PIEZO2: variants seen among roughly 807,000 people sequenced by gnomAD.
PIEZO2 encodes the protein piezo type mechanosensitive ion channel component 2.
A neutral mutation model predicts 337.3 loss-of-function variants in PIEZO2; 172 were observed. That is an observed-to-expected ratio of 0.51 (90% CI 0.45 to 0.58). PIEZO2 has a LOEUF of 0.58. PIEZO2 is among the 20% of genes least tolerant of loss of function. The pLI is 0.00. For synonymous variants in PIEZO2, 1,251 were observed against 1,228.5 expected (o/e 1.02, Z -0.38); for missense variants, 3,028 against 3,391.3 (o/e 0.89, Z 2.66).
rs1051057243 is a variant in PIEZO2, at chr18:11,146,316, G to A, written c.64+2209C>T. Among the ~76,000 whole-genome samples the A allele has an allele frequency of 6.6e-6, 1 of 152,184 alleles. No individual in the cohort carries two copies. The highest frequency in any genetic ancestry group is 1.5e-5 in the Non-Finnish European group (1 of 68,026). Reference sequence around the variant, plus strand: ...GGATCAAAGTGGACTCAGGCAGCGGGAGCCCCCAGCCTGCCCTGGGGCACA... The same window carrying A: ...GGATCAAAGTGGACTCAGGCAGCGGAAGCCCCCAGCCTGCCCTGGGGCACA... On this transcript the variant is annotated intron_variant, in intron 1 of 55. Transcript: ENST00000674853. The surrounding 1 kb of genome is among the most constrained non-coding windows in gnomAD (Gnocchi z 6.1).
rs1598403353 is a variant in PIEZO2 at position 10,724,937 on chromosome 18, A to C, written c.5029+6470T>G. 1 of 1,601,812 alleles carries C rather than the reference A, an allele frequency of 6.2e-7. No individual in the cohort carries two copies. The highest frequency in any genetic ancestry group is 1.1e-5 in the South Asian group (1 of 90,172). On this transcript the variant is annotated intron_variant, in intron 36 of 55. Coordinates refer to ENST00000674853, the MANE Select transcript of PIEZO2 (RefSeq NM_001378183.1). This position sits in a 1 kb window ranked among gnomAD's most constrained non-coding sequence, Gnocchi z 5.8. ...CAGCCTCCACCTGGACGGCGATGGA[A>C]CCCAGGTGGGCGCACCCTGCGGCCT...
At chr18:10,772,011 T>TA (rs2038619706) in intron 20 of PIEZO2, among the ~76,000 whole-genome samples, 1 of 152,224 alleles carries the variant, frequency 6.6e-6, no homozygotes, top group African/African-American at 2.4e-5. Context: ...AGAGAAGCCA[T>TA]AAAATGCTTC....
intron 7 of PIEZO2, among the ~76,000 whole-genome samples, chr18:10,823,668 G>A (rs1483664682): frequency 6.6e-6 from 1 of 152,154 alleles, no homozygotes; most frequent in East Asian, 1.9e-4. Context: ...ACAAAGGGAG[G>A]GGAGGGATAA....
In PIEZO2 at chr18:10,853,381, G is replaced by C. The variant is rs1453555404; in HGVS notation, c.917+1972C>G. Among the ~76,000 whole-genome samples, 1 of 152,162 alleles carries C rather than the reference G, an allele frequency of 6.6e-6. No homozygotes were observed. Among genetic ancestry groups the C allele is most frequent in the Non-Finnish European group, 1.5e-5 (1 of 68,046 alleles). On this transcript the variant is annotated intron_variant, in intron 7 of 55. Coordinates refer to ENST00000674853, the MANE Select transcript of PIEZO2 (RefSeq NM_001378183.1). This position sits in a 1 kb window ranked among gnomAD's most constrained non-coding sequence, Gnocchi z 4.2. ...CACTTCCTTTCATTCCTGCTCTAAA[G>C]CTTTTTAATACATTGTCACTCATTC...
intron 7 of PIEZO2, among the ~76,000 whole-genome samples, chr18:10,807,905 G>A (rs1374028442): frequency 6.6e-6 from 1 of 152,076 alleles, no homozygotes; most frequent in South Asian, 2.1e-4. Flanking sequence ...ATTTTGAAAT[G>A]TTTAATTTTT....
chr18:10,696,528 A>G lies in PIEZO2; in HGVS notation c.6839T>C (p.Ile2280Thr). Residue 2280 changes from isoleucine (I) to threonine (T), a missense_variant, in exon 46 of 56, where the codon ATC (isoleucine) becomes ACC (threonine). Ile to Thr is a moderately conservative substitution (Grantham distance 89). Coordinates refer to ENST00000674853, the MANE Select transcript of PIEZO2 (RefSeq NM_001378183.1). Reference sequence around the variant, plus strand: ...AAAGAACTGTTTGATGGGCACATAGATCTCCAGCGTCCTGCAAAATGGAGA... The same window carrying G: ...AAAGAACTGTTTGATGGGCACATAGGTCTCCAGCGTCCTGCAAAATGGAGA... ...KAFTIKKTLE[I>T]YVPIKQFFYN... 1.2e-6 allele frequency: 2 copies of G among 1,613,404 alleles called. No homozygotes were observed. Among genetic ancestry groups the G allele is most frequent in the East Asian group, 2.2e-5 (1 of 44,872 alleles).
rs370712216 is a variant in PIEZO2 at position 10,677,768 on chromosome 18, G to T, written c.8060C>A (p.Thr2687Lys). 91 of 1,610,516 alleles carry T rather than the reference G, an allele frequency of 5.7e-5. No individual in the cohort carries two copies. Among genetic ancestry groups the T allele is most frequent in the Non-Finnish European group, 7.5e-5 (89 of 1,179,248 alleles). Residue 2687 changes from threonine (T) to lysine (K), a missense_variant, in exon 53 of 56, where the codon ACA becomes AAA. Coordinates refer to ENST00000674853, the MANE Select transcript of PIEZO2 (RefSeq NM_001378183.1). The surrounding 1 kb of genome is among the most constrained non-coding windows in gnomAD (Gnocchi z 4.1). The part of the protein sequence containing the change: ...NIAKMIAGNS[T>K]ESSKTPVTIE... ...TTACACTGGTGTTTTTGAACTTTCT[G>T]TGCTGTTGCCTGCTATCATTTTAGC... is the stretch of plus-strand genomic sequence containing the variant.
chr18:10,804,980 G>C (rs2144309033), intron 8 of PIEZO2, among the ~76,000 whole-genome samples: 1 of 152,264 alleles, frequency 6.6e-6, no homozygotes, highest in Admixed American at 6.5e-5. Flanking sequence ...TAACATTGCT[G>C]TTGCTGTGTG....
Position 10,718,180 on chromosome 18 carries a change from A to C in PIEZO2, c.5089+20T>G. 1.3e-6 allele frequency: 2 copies of C among 1,529,108 alleles called. No individual in the cohort carries two copies. Among genetic ancestry groups the C allele is most frequent in the Non-Finnish European group, 8.8e-7 (1 of 1,139,610 alleles). The allele number at this position is 1,529,108 out of a possible 1,614,324, so 94.7% of individuals were successfully genotyped here. A position where few individuals can be genotyped will look rare whatever the true frequency, so the allele number is the denominator to read the frequency against. On this transcript the variant is annotated intron_variant, in intron 37 of 55. Transcript: ENST00000674853. ...CATTTTCAAAGTTCCCACAGCTCAT[A>C]TTTGTCTTTATTTTGTTACCTGGTC...
chr18:10,960,156 A>G (rs961629937), intron 3 of PIEZO2, among the ~76,000 whole-genome samples: 1 of 152,192 alleles, frequency 6.6e-6, no homozygotes, highest in Non-Finnish European at 1.5e-5. Flanking sequence ...TTGAAGTTAT[A>G]AAATCCTAAA....
In PIEZO2 at chr18:10,794,970, G is replaced by A. The variant is rs1205816290; in HGVS notation, c.1560C>T (p.Thr520=). The change falls in exon 13 of 56, where the codon ACC becomes ACT. Residue 520 remains threonine, a synonymous_variant. Coordinates refer to ENST00000674853, the MANE Select transcript of PIEZO2 (RefSeq NM_001378183.1). The surrounding 1 kb of genome is among the most constrained non-coding windows in gnomAD (Gnocchi z 6.6). ...AWSITYHSWL[T]FVLLIWSCTL... is the part of the protein sequence containing the mutation. ...TGCACGACCAGATCAGCAGCACGAA[G>A]GTCAGCCAGCTGTGATAGGTGATGC... 1 of 1,548,054 alleles carries A rather than the reference G, an allele frequency of 6.5e-7. No homozygotes were observed. Among genetic ancestry groups the A allele is most frequent in the Non-Finnish European group, 8.7e-7 (1 of 1,146,994 alleles).
chr18:11,051,933 G>A (rs926281689), intron 2 of PIEZO2, among the ~76,000 whole-genome samples: 14 of 152,214 alleles, frequency 9.2e-5, no homozygotes, highest in African/African-American at 2.2e-4. Context: ...GTGAAGCCAC[G>A]AAAGAAAAGC....
rs112764914 is a variant in PIEZO2 at position 11,017,817 on chromosome 18, C to G, written c.161-38157G>C. On this transcript the variant is annotated intron_variant, in intron 2 of 55. Coordinates refer to ENST00000674853, the MANE Select transcript of PIEZO2 (RefSeq NM_001378183.1). The stretch of plus-strand genomic sequence containing the variant: ...TAGGCATTGTATTAGTTTCTTACGG[C>G]TGCTCTAACAATGTACTACAAACTG... 2.8e-3 allele frequency among the ~76,000 whole-genome samples: 430 copies of G among 152,248 alleles called. 3 individuals are homozygous for G. Among genetic ancestry groups the G allele is most frequent in the African/African-American group, 9.8e-3 (408 of 41,532 alleles).
Position 10,713,559 on chromosome 18 carries a change from C to A in PIEZO2, c.5423+1205G>T, listed in dbSNP as rs554647901. ...TCTAAAGCCATCCAGGAGTTTCTGA[C>A]CAGCAGTCAGAGACACCAGTCTCTA... On this transcript the variant is annotated intron_variant, in intron 39 of 55. Transcript: ENST00000674853. This position sits in a 1 kb window ranked among gnomAD's most constrained non-coding sequence, Gnocchi z 4.5. Among the ~76,000 whole-genome samples, 11 of 152,256 alleles carry A rather than the reference C, an allele frequency of 7.2e-5. No homozygotes were observed. Among genetic ancestry groups the A allele is most frequent in the Non-Finnish European group, 1.5e-4 (10 of 68,026 alleles).
At chr18:10,814,239 G>C (rs887019900) in intron 7 of PIEZO2, among the ~76,000 whole-genome samples, 33 of 152,102 alleles carry the variant, frequency 2.2e-4, no homozygotes, top group African/African-American at 6.8e-4. Flanking sequence ...AAAGTGCTAG[G>C]ATTACAGGCA....
intron 2 of PIEZO2, among the ~76,000 whole-genome samples, chr18:11,005,084 T>G (rs1271372179): frequency 6.6e-6 from 1 of 152,240 alleles, no homozygotes; most frequent in Admixed American, 6.5e-5. Flanking sequence ...CAACAAGAAG[T>G]CCTCAGACTT....
chr18:10,814,527 G>C (rs1376193849), intron 7 of PIEZO2, among the ~76,000 whole-genome samples: 2 of 152,176 alleles, frequency 1.3e-5, no homozygotes, highest in Non-Finnish European at 2.9e-5. Context: ...ATTTCAGGAA[G>C]TTTGAGAATT....
At chr18:11,139,640 TCCACA>T (rs1306562877) in intron 1 of PIEZO2, among the ~76,000 whole-genome samples, 1 of 152,190 alleles carries the variant, frequency 6.6e-6, no homozygotes, top group African/African-American at 2.4e-5. Context: ...ATTTTATCTT[TCCACA>T]GATATTTACA....
chr18:10,884,669 T>C (rs1568163407), intron 4 of PIEZO2, among the ~76,000 whole-genome samples: 1 of 152,178 alleles, frequency 6.6e-6, no homozygotes, highest in Non-Finnish European at 1.5e-5. Flanking sequence ...ACACTGGCAG[T>C]GAACACAGTG....
Sources: allele counts gnomAD v4.1 joint callset (sites outside exome capture counted in the v4.1 genomes callset), GRCh38; gene constraint gnomAD v4.1.1; non-coding constraint Gnocchi (gnomAD v3.1); transcripts MANE v1.5; gene names NCBI Gene and HGNC (gene_info 2026-07-23, HGNC 2026-07-21).